USP8: variants seen among roughly 807,000 people sequenced by gnomAD.
USP8 encodes the protein ubiquitin specific peptidase 8.
A neutral mutation model predicts 130.0 loss-of-function variants in USP8; 27 were observed. The observed-to-expected ratio is 0.21, with a 90% CI of 0.15 to 0.29. USP8 has a LOEUF of 0.29. Ranked by LOEUF, USP8 falls within the 10% of genes least tolerant of loss-of-function variation. The pLI, the probability that USP8 is intolerant of heterozygous loss-of-function variation, is 1.00. For missense variants in USP8, 1,029 were observed against 1,312.2 expected, an observed-to-expected ratio of 0.78 and a Z score of 3.33; for synonymous variants, 392 against 444.1, an observed-to-expected ratio of 0.88 and a Z score of 1.48.
intron 8 of USP8, among the ~76,000 whole-genome samples, chr15:50,475,307 A>G (rs1472380680): frequency 6.6e-6 from 1 of 152,180 alleles, no homozygotes; most frequent in Non-Finnish European, 1.5e-5. Context: ...ATAGAACAAT[A>G]TAAATCCATA....
rs2141342269 is a variant in USP8, at chr15:50,504,322, TGTAGACCAGCCTGG to T, written c.*5236_*5249del. On this transcript the variant is annotated 3_prime_UTR_variant, in exon 20 of 20. Transcript: ENST00000307179. ...GGGCAGACTGCTTGAGCCCAGGAGT[TGTAGACCAGCCTGG>T]GCAACATGGCAAAACCCTGTCTACA... 6.6e-6 allele frequency: 1 copy of T among 152,388 alleles called. No individual in the cohort carries two copies. Among genetic ancestry groups the T allele is most frequent in the East Asian group, 1.9e-4 (1 of 5,196 alleles). 9.4% of individuals were successfully genotyped at this position (152,388 alleles called of 1,614,324 possible). A position where few individuals can be genotyped will look rare whatever the true frequency, so the allele number is the denominator to read the frequency against.
rs1478763786 is a variant in USP8, at chr15:50,493,605, TGTG to T, written c.2448-461_2448-459del. 2.3e-5 allele frequency: 10 copies of T among 444,108 alleles called. No individual in the cohort carries two copies. In the Admixed American group the frequency reaches 2.6e-4, roughly 11 times the overall value. The allele number at this position is 444,108 out of a possible 1,614,324, so 27.5% of individuals were successfully genotyped here. A position where few individuals can be genotyped will look rare whatever the true frequency, so the allele number is the denominator to read the frequency against. On this transcript the variant is annotated intron_variant, in intron 15 of 19. Coordinates refer to ENST00000307179, the MANE Select transcript of USP8 (RefSeq NM_005154.5). ...TCCGTCTCTACAAAAATTAGCTAGG[TGTG>T]GTGATACATGCCTATAGTCCCTGCT...
chr15:50,454,450 C>CTT (rs1226415796), intron 4 of USP8, among the ~76,000 whole-genome samples: 1 of 134,214 alleles, frequency 7.5e-6, no homozygotes, highest in African/African-American at 2.9e-5. Context: ...GGATAATTTT[C>CTT]TTTTCTTTTT....
At chr15:50,477,851 AAG>A (rs1444294461) in intron 10 of USP8, among the ~76,000 whole-genome samples, 4 of 152,150 alleles carry the variant, frequency 2.6e-5, no homozygotes, top group African/African-American at 7.2e-5. Flanking sequence ...AAAAAAAAAA[AAG>A]AATTAAATAC....
rs888563420 is a variant in USP8 at position 50,505,215 on chromosome 15, C to T, written c.*6127C>T. On this transcript the variant is annotated 3_prime_UTR_variant, in exon 20 of 20. Transcript: ENST00000307179. ...GAATCTTCACATTTAGGAAATGCAG[C>T]GAGCCAGGGATAAATAAAAATAATA... 6.6e-6 allele frequency: 1 copy of T among 151,738 alleles called. No homozygotes were observed. The highest frequency in any genetic ancestry group is 1.5e-5 in the Non-Finnish European group (1 of 67,978). 9.4% of individuals were successfully genotyped at this position (151,738 alleles called of 1,614,324 possible). A position where few individuals can be genotyped will look rare whatever the true frequency, so the allele number is the denominator to read the frequency against.
intron 3 of USP8, 37 bp from the exon 4 acceptor site, chr15:50,449,363 G>A: frequency 1.4e-6 from 2 of 1,405,714 alleles, no homozygotes; most frequent in East Asian, 2.4e-5. Context: ...GCAATGCCGA[G>A]AACTAACAAT....
chr15:50,454,707 G>A (rs148976930), intron 4 of USP8, among the ~76,000 whole-genome samples: 199 of 152,078 alleles, frequency 1.3e-3, no homozygotes, highest in African/African-American at 4.5e-3. Flanking sequence ...CACCCACCTC[G>A]GCCTCCCAGA....
rs750971374 is a variant in USP8, at chr15:50,477,385, A to C, written c.1104A>C (p.Gln368His). The C allele has an allele frequency of 4.3e-6, 7 of 1,614,100 alleles. No individual in the cohort carries two copies. The highest frequency in any genetic ancestry group is 5.1e-6 in the Non-Finnish European group (6 of 1,180,044). Reference protein sequence around the residue: ...VDENIELISGQNERMGPLNIS... With the variant: ...VDENIELISGHNERMGPLNIS... Reference sequence around the variant, plus strand: ...AAAATATAGAATTGATAAGTGGTCAAAATGAGAGAATGGGACCACTGAATA... The same window carrying C: ...AAAATATAGAATTGATAAGTGGTCACAATGAGAGAATGGGACCACTGAATA... The change falls in exon 10 of 20, where the codon CAA becomes CAC. Residue 368 changes from glutamine (Q) to histidine (H), a missense_variant. Around this residue, in one of 4 missense-constraint regions of USP8, gnomAD observed 486 missense variants for 522.0 expected, o/e 0.93. Coordinates refer to ENST00000307179, the MANE Select transcript of USP8 (RefSeq NM_005154.5).
intron 1 of USP8, among the ~76,000 whole-genome samples, chr15:50,437,055 C>T (rs1231470024): frequency 6.6e-6 from 1 of 152,002 alleles, no homozygotes; most frequent in Non-Finnish European, 1.5e-5. Flanking sequence ...CCCATAACTT[C>T]CTAACTTTTA....
chr15:50,448,153 C>A (rs1270717402), intron 3 of USP8, among the ~76,000 whole-genome samples: 1 of 152,170 alleles, frequency 6.6e-6, no homozygotes, highest in Non-Finnish European at 1.5e-5. Flanking sequence ...GTTTATATGG[C>A]TCCACCATTG....
At chr15:50,492,280 TTTTTTG>T (rs1160873401) in intron 14 of USP8, among the ~76,000 whole-genome samples, 3 of 152,208 alleles carry the variant, frequency 2.0e-5, no homozygotes, top group Non-Finnish European at 2.9e-5. Flanking sequence ...CGGTATGGTT[TTTTTTG>T]TTTTTGTTTT....
chr15:50,498,872 T>C, intron 19 of USP8, 31 bp from the exon 20 acceptor site: 1 of 1,567,688 alleles, frequency 6.4e-7, no homozygotes, highest in Non-Finnish European at 8.6e-7. Context: ...TTTAACTGAA[T>C]TGATTTTTTT....
chr15:50,486,595 A>G (rs553018489), intron 12 of USP8, among the ~76,000 whole-genome samples: 17 of 152,368 alleles, frequency 1.1e-4, no homozygotes, highest in African/African-American at 4.1e-4. Context: ...CACAGCAACA[A>G]CAAACCCATT....
Position 50,453,860 on chromosome 15 carries a change from C to CTTTTT in USP8, c.335+4393_335+4397dup, listed in dbSNP as rs71124355. Among the ~76,000 whole-genome samples the CTTTTT allele has an allele frequency of 9.0e-3, 781 of 86,920 alleles. 27 individuals are homozygous for CTTTTT. Among genetic ancestry groups the CTTTTT allele is most frequent in the East Asian group, 0.016 (42 of 2,662 alleles). The allele number at this position is 86,920 out of a possible 152,430, so 57.0% of individuals were successfully genotyped here. ...GTCCCTCTTTACCTCTGGGAATATT[C>CTTTTT]TTTTTTTTTTTTTTTTTTTTTTGAG... On this transcript the variant is annotated intron_variant, in intron 4 of 19. Transcript: ENST00000307179.
chr15:50,444,097 G>GT (rs751970462), intron 3 of USP8, among the ~76,000 whole-genome samples: 1,516 of 117,456 alleles, frequency 0.013, 15 homozygotes, highest in East Asian at 0.024. Context: ...TGTGTGGTAG[G>GT]TTTTTTTTTT....
chr15:50,482,662 C>T (rs2051816733), intron 11 of USP8, among the ~76,000 whole-genome samples: 1 of 152,136 alleles, frequency 6.6e-6, no homozygotes, highest in Non-Finnish European at 1.5e-5. Context: ...TTTTCAATCT[C>T]TAATAATGCT....
At position 50,495,979 on chromosome 15, in the gene USP8, C is replaced by T. The variant is rs1394059432; in HGVS notation, c.2790C>T (p.Phe930=). 4 of 1,613,854 alleles carry T rather than the reference C, an allele frequency of 2.5e-6. No individual in the cohort carries two copies. In the Admixed American group the frequency reaches 5.0e-5, roughly 20 times the overall value. ...SIIVALFQGQ[F]KSTVQCLTCH... ...TTGTTGCACTTTTTCAGGGTCAATT[C>T]AAATCTACAGTACAGTGCCTCACAT... The change falls in exon 17 of 20, where the codon TTC becomes TTT. Residue 930 remains phenylalanine (F), a synonymous_variant. Transcript: ENST00000307179.
At chr15:50,455,199 C>T (rs951062614) in intron 4 of USP8, among the ~76,000 whole-genome samples, 10 of 151,262 alleles carry the variant, frequency 6.6e-5, no homozygotes, top group African/African-American at 2.2e-4. Context: ...CCTTCACCTC[C>T]TGAACAACTG....
intron 15 of USP8, chr15:50,493,366 A>G: frequency 3.8e-6 from 2 of 519,840 alleles, no homozygotes; most frequent in Non-Finnish European, 7.7e-6. Flanking sequence ...TTTCATGTTG[A>G]CATCAAGAAC....
Sources: gnomAD v4.1 joint callset for allele counts (sites outside exome capture counted in the v4.1 genomes callset) on GRCh38, gnomAD v4.1.1 for gene constraint, gnomAD v4.1.1 regional missense constraint, MANE v1.5 for transcripts, NCBI Gene and HGNC (gene_info 2026-07-23, HGNC 2026-07-21) for gene names.